PRKCA: variants seen among roughly 807,000 people sequenced by gnomAD.
PRKCA encodes protein kinase C alpha, also known as protein kinase C alpha type.
PRKCA carries 27 observed loss-of-function variants against 87.0 expected under a neutral mutation model. The ratio of observed to expected loss-of-function variants is 0.31; its 90% CI spans 0.23 to 0.43. The LOEUF (loss-of-function observed/expected upper bound fraction) is 0.43, where lower values mean the gene tolerates loss of function less well. Ranked by LOEUF, PRKCA falls within the 20% of genes least tolerant of loss-of-function variation. The pLI is 1.00. For missense variants in PRKCA, 518 were observed against 852.3 expected, an observed-to-expected ratio of 0.61 and a Z score of 4.88; for synonymous variants, 329 against 311.1, an observed-to-expected ratio of 1.06 and a Z score of -0.61.
intron 3 of PRKCA, among the ~76,000 whole-genome samples, chr17:66,498,278 T>C (rs1174013624): frequency 6.6e-6 from 1 of 152,190 alleles, no homozygotes; most frequent in East Asian, 1.9e-4. Flanking sequence ...CAAGTCCCAT[T>C]GCACTTGTTT....
rs562473278 is a variant in PRKCA at position 66,435,410 on chromosome 17, G to A, written c.206-60791G>A. 5.9e-5 allele frequency among the ~76,000 whole-genome samples: 9 copies of A among 152,332 alleles called. No homozygotes were observed. The South Asian group carries it at 1.2e-3, about 21-fold the overall frequency. On this transcript the variant is annotated intron_variant, in intron 2 of 16. Transcript: ENST00000413366. Reference sequence around the variant, plus strand: ...AATAAGGCTGCAGTCCCGTGCAGCCGGCGTTTTGTCGTGTGGGTGTGATGG... The same window carrying A: ...AATAAGGCTGCAGTCCCGTGCAGCCAGCGTTTTGTCGTGTGGGTGTGATGG...
At chr17:66,581,801 T>C (rs1200078527) in intron 3 of PRKCA, among the ~76,000 whole-genome samples, 4 of 152,154 alleles carry the variant, frequency 2.6e-5, no homozygotes, top group Non-Finnish European at 2.9e-5. Context: ...TAAACACTGA[T>C]CTAAATTCTC....
intron 5 of PRKCA, among the ~76,000 whole-genome samples, chr17:66,674,884 A>G (rs190453395): frequency 2.0e-5 from 3 of 152,310 alleles, no homozygotes; most frequent in Admixed American, 2.0e-4. Flanking sequence ...CATGCTTGAG[A>G]AATCAGTTAC....
chr17:66,790,642 C>A (rs1424588345), intron 16 of PRKCA, among the ~76,000 whole-genome samples: 2 of 152,190 alleles, frequency 1.3e-5, no homozygotes, highest in Non-Finnish European at 2.9e-5. Flanking sequence ...CGTAGAGATG[C>A]GTACTGACCC....
intron 3 of PRKCA, among the ~76,000 whole-genome samples, chr17:66,573,329 C>CT (rs1406986332): frequency 2.0e-5 from 3 of 152,156 alleles, no homozygotes; most frequent in Admixed American, 1.3e-4. Context: ...TCTAGCTTGC[C>CT]TAGCACGCTA....
At chr17:66,413,296 G>C (rs755494842) in intron 2 of PRKCA, among the ~76,000 whole-genome samples, 1 of 152,186 alleles carries the variant, frequency 6.6e-6, no homozygotes, top group Admixed American at 6.5e-5. Context: ...GGATACAGAT[G>C]AACAGCCAGA....
At chr17:66,460,278 A>AG (rs1914784297) in intron 2 of PRKCA, among the ~76,000 whole-genome samples, 1 of 152,184 alleles carries the variant, frequency 6.6e-6, no homozygotes, top group Non-Finnish European at 1.5e-5. Flanking sequence ...ATATGGCTGA[A>AG]GTCGTGGTTC....
intron 13 of PRKCA, among the ~76,000 whole-genome samples, chr17:66,751,794 A>G (rs560056417): frequency 6.6e-6 from 1 of 151,492 alleles, no homozygotes; most frequent in Non-Finnish European, 1.5e-5. Flanking sequence ...AAGCATGGCT[A>G]GGGGGGGTCT....
intron 2 of PRKCA, among the ~76,000 whole-genome samples, chr17:66,427,445 G>T (rs981169746): frequency 3.3e-5 from 5 of 152,242 alleles, no homozygotes; most frequent in Non-Finnish European, 7.3e-5. Context: ...AGACAGTATG[G>T]TTCACAAAGC....
At chr17:66,346,276 T>G (rs887132237) in intron 2 of PRKCA, among the ~76,000 whole-genome samples, 1 of 151,844 alleles carries the variant, frequency 6.6e-6, no homozygotes, top group Non-Finnish European at 1.5e-5. Context: ...TTTTTGTGTT[T>G]TTAGTAGAGA....
intron 11 of PRKCA, among the ~76,000 whole-genome samples, chr17:66,739,579 G>A (rs919156842): frequency 6.6e-6 from 1 of 152,170 alleles, no homozygotes; most frequent in African/African-American, 2.4e-5. Flanking sequence ...ACTTGCGCAG[G>A]ATACCAGGAT....
intron 16 of PRKCA, 45 bp downstream of exon 16, chr17:66,789,024 A>G (rs1975468863): frequency 3.7e-6 from 6 of 1,611,212 alleles, no homozygotes; most frequent in Non-Finnish European, 3.4e-6. Flanking sequence ...CATGTCCCCA[A>G]ATTCTGGGAG....
At chr17:66,571,711 G>A (rs1189117009) in intron 3 of PRKCA, among the ~76,000 whole-genome samples, 4 of 152,264 alleles carry the variant, frequency 2.6e-5, no homozygotes, top group African/African-American at 7.2e-5. Flanking sequence ...TTTGTTTGAC[G>A]GTAGACATAT....
At chr17:66,468,444 A>G (rs752002185) in intron 2 of PRKCA, among the ~76,000 whole-genome samples, 1 of 152,144 alleles carries the variant, frequency 6.6e-6, no homozygotes, top group Non-Finnish European at 1.5e-5. Context: ...GTTCCTGCAC[A>G]TGCATTTTTT....
intron 5 of PRKCA, among the ~76,000 whole-genome samples, chr17:66,662,592 G>C (rs1002892077): frequency 3.3e-5 from 5 of 152,056 alleles, no homozygotes; most frequent in Admixed American, 6.6e-5. Flanking sequence ...CTAAGGTGTT[G>C]ACGGACTGGC....
intron 5 of PRKCA, among the ~76,000 whole-genome samples, chr17:66,668,149 C>G (rs184009778): frequency 2.0e-5 from 3 of 152,306 alleles, no homozygotes; most frequent in South Asian, 4.2e-4. Flanking sequence ...ACAGGGTCTT[C>G]GACCAGCCAA....
intron 3 of PRKCA, among the ~76,000 whole-genome samples, chr17:66,626,339 C>G (rs1970855136): frequency 1.3e-5 from 2 of 150,884 alleles, no homozygotes; most frequent in African/African-American, 4.9e-5. Context: ...AGGTGCACAC[C>G]ACCATGCCCA....
intron 2 of PRKCA, among the ~76,000 whole-genome samples, chr17:66,316,959 G>A (rs7406054): frequency 0.59 from 89,309 of 151,478 alleles, 26,389 homozygotes; most frequent in South Asian, 0.64. Flanking sequence ...TGGCTAACAC[G>A]GTGAAACCCC....
intron 3 of PRKCA, among the ~76,000 whole-genome samples, chr17:66,503,514 C>G (rs749663288): frequency 5.8e-4 from 89 of 152,320 alleles, no homozygotes; most frequent in Non-Finnish European, 1.1e-3. Flanking sequence ...TAAAACTGAT[C>G]TATTTGAAGA....
Sources: gnomAD v4.1 joint callset for allele counts (sites outside exome capture counted in the v4.1 genomes callset) on GRCh38, gnomAD v4.1.1 for gene constraint, MANE v1.5 for transcripts, NCBI Gene and HGNC (gene_info 2026-07-23, HGNC 2026-07-21) for gene names.